Variants in EXOC6B observed in about 807,000 individuals in gnomAD.
EXOC6B encodes the protein SEC15 homolog B.
In EXOC6B, 54 loss-of-function variants were observed where a neutral mutation model predicts 113.5. The observed-to-expected ratio is 0.48, with a 90% CI of 0.38 to 0.60. The LOEUF is 0.60. Ranked by LOEUF, EXOC6B falls within the 20% of genes least tolerant of loss-of-function variation. The probability of loss-of-function intolerance (pLI) is 0.00; values close to 1 mark genes in which losing one functional copy is unlikely to be tolerated. For synonymous variants in EXOC6B, 357 were observed against 339.0 expected (o/e 1.05, Z -0.58); for missense variants, 797 against 977.5 (o/e 0.82, Z 2.46).
chr2:72,644,417 A>G (rs1673522953), intron 6 of EXOC6B, among the ~76,000 whole-genome samples: 1 of 152,232 alleles, frequency 6.6e-6, no homozygotes, highest in South Asian at 2.1e-4. Context: ...GCCAACATTC[A>G]AATTCAGAAA....
intron 20 of EXOC6B, among the ~76,000 whole-genome samples, chr2:72,254,479 T>C (rs1683227975): frequency 6.6e-6 from 1 of 152,188 alleles, no homozygotes; most frequent in Admixed American, 6.5e-5. Context: ...TCCAGACCTG[T>C]GAGGGAATAA....
chr2:72,694,417 G>A (rs1429773061), intron 6 of EXOC6B, among the ~76,000 whole-genome samples: 2 of 152,004 alleles, frequency 1.3e-5, no homozygotes, highest in African/African-American at 4.8e-5. Context: ...ACTACAGCGT[G>A]GGTAACAGAG....
Position 72,718,238 on chromosome 2 carries a change from T to C in EXOC6B, c.534A>G (p.Arg178=), listed in dbSNP as rs1558945791. 1 of 1,613,856 alleles carries C rather than the reference T, an allele frequency of 6.2e-7. No homozygotes were observed. The highest frequency in any genetic ancestry group is 8.5e-7 in the Non-Finnish European group (1 of 1,179,790). Residue 178 remains arginine (R), a synonymous_variant, in exon 6 of 22, where the codon CGA becomes CGG. Transcript: ENST00000272427. ...TGTTGTCCACCATCACCTTGCAGAATCGATAGTGGCTTACTTGAGGCAGGT... is the reference window on the plus strand; with the variant it reads ...TGTTGTCCACCATCACCTTGCAGAACCGATAGTGGCTTACTTGAGGCAGGT... ...HTYLPQVSHY[R]FCKVMVDNIP...
intron 19 of EXOC6B, among the ~76,000 whole-genome samples, chr2:72,360,425 A>T (rs1690241290): frequency 6.6e-6 from 1 of 152,156 alleles, no homozygotes; most frequent in Admixed American, 6.5e-5. Flanking sequence ...TTCATTTCCC[A>T]GGATGGAAAG....
At chr2:72,822,127 G>C (rs1686616289) in intron 1 of EXOC6B, among the ~76,000 whole-genome samples, 1 of 152,170 alleles carries the variant, frequency 6.6e-6, no homozygotes, top group Non-Finnish European at 1.5e-5. Context: ...GAAAAGTAGA[G>C]ATATAGGGAT....
At chr2:72,821,127 A>C (rs1686557983) in intron 1 of EXOC6B, among the ~76,000 whole-genome samples, 1 of 152,130 alleles carries the variant, frequency 6.6e-6, no homozygotes, top group Admixed American at 6.6e-5. Context: ...TTCAGAATAC[A>C]TAGAGAACTC....
chr2:72,264,828 C>T lies in EXOC6B; in HGVS notation c.2196+70119G>A, dbSNP rs114474456. 4.6e-3 allele frequency among the ~76,000 whole-genome samples: 702 copies of T among 152,150 alleles called. 7 individuals carry two copies. The highest frequency in any genetic ancestry group is 0.016 in the African/African-American group (650 of 41,520). ...TCTCCTACTGCCTTGTGAAGAGGTG[C>T]TTTCCTCTATGATCATAAATTTCCT... On this transcript the variant is annotated intron_variant, in intron 20 of 21. Coordinates refer to ENST00000272427, the MANE Select transcript of EXOC6B (RefSeq NM_015189.3).
At chr2:72,516,536 C>T (rs542515675) in intron 8 of EXOC6B, among the ~76,000 whole-genome samples, 5 of 152,104 alleles carry the variant, frequency 3.3e-5, no homozygotes, top group Non-Finnish European at 5.9e-5. Context: ...CCACCACGCC[C>T]GGCCCTGAAT....
chr2:72,601,139 T>C (rs1353903754), intron 6 of EXOC6B, among the ~76,000 whole-genome samples: 1 of 147,424 alleles, frequency 6.8e-6, no homozygotes, highest in Non-Finnish European at 1.5e-5. Context: ...TGTGTGTGTG[T>C]GTGTGTGTGT....
chr2:72,299,130 G>A (rs1468883095), intron 20 of EXOC6B, among the ~76,000 whole-genome samples: 6 of 152,146 alleles, frequency 3.9e-5, no homozygotes, highest in African/African-American at 1.2e-4. Flanking sequence ...CCAATCAGAC[G>A]TAGATTTGGT....
chr2:72,183,325 G>A (rs1273003004), intron 21 of EXOC6B, among the ~76,000 whole-genome samples: 1 of 152,186 alleles, frequency 6.6e-6, no homozygotes, highest in African/African-American at 2.4e-5. Context: ...TGACCTGCCA[G>A]CTCTCTAATA....
intron 20 of EXOC6B, among the ~76,000 whole-genome samples, chr2:72,216,363 C>T (rs1422357161): frequency 6.6e-6 from 1 of 152,210 alleles, no homozygotes; most frequent in Non-Finnish European, 1.5e-5. Flanking sequence ...TATACCATCT[C>T]ACACCAGTCA....
At chr2:72,182,745 T>G in intron 21 of EXOC6B, 2 of 471,346 alleles carry the variant, frequency 4.2e-6, no homozygotes, top group Non-Finnish European at 6.8e-6. Context: ...AGCCAGCCAG[T>G]TGGCACCAGG....
intron 16 of EXOC6B, among the ~76,000 whole-genome samples, chr2:72,491,165 C>G (rs191454379): frequency 6.6e-6 from 1 of 152,214 alleles, no homozygotes; most frequent in East Asian, 1.9e-4. Flanking sequence ...TATTTCTGTA[C>G]TAGGCAATAG....
chr2:72,495,691 C>T (rs1354592384), intron 14 of EXOC6B, among the ~76,000 whole-genome samples, 152 bp from the exon 15 acceptor site: 1 of 152,062 alleles, frequency 6.6e-6, no homozygotes, highest in Non-Finnish European at 1.5e-5. Context: ...CCAAAGTTTT[C>T]TGATATTAAA....
intron 6 of EXOC6B, among the ~76,000 whole-genome samples, chr2:72,688,113 T>A (rs550003295): frequency 6.6e-6 from 1 of 152,312 alleles, no homozygotes; most frequent in South Asian, 2.1e-4. Context: ...AATGGGAGAA[T>A]AACTTCGATG....
intron 20 of EXOC6B, among the ~76,000 whole-genome samples, chr2:72,229,327 T>C (rs1681462404): frequency 6.6e-6 from 1 of 152,124 alleles, no homozygotes; most frequent in South Asian, 2.1e-4. Context: ...GATGGGAGCA[T>C]TTACGAAGAT....
intron 17 of EXOC6B, among the ~76,000 whole-genome samples, chr2:72,472,388 T>G (rs1001694907): frequency 2.0e-5 from 3 of 152,156 alleles, no homozygotes; most frequent in African/African-American, 7.2e-5. Context: ...TCACTGCCCG[T>G]TATTGGTCTG....
chr2:72,502,788 G>A lies in EXOC6B; in HGVS notation c.1168-2816C>T, dbSNP rs1044485861. Among the ~76,000 whole-genome samples, 4 of 151,622 alleles carry A rather than the reference G, an allele frequency of 2.6e-5. No homozygotes were observed. The South Asian group carries it at 6.3e-4, about 24-fold the overall frequency. ...TTTTATTACTACAGTCCCTTCTTTC[G>A]TCACTGTCTTTCCTTTCTAAATCTC... is the stretch of plus-strand genomic sequence containing the variant. On this transcript the variant is annotated intron_variant, in intron 11 of 21. Coordinates refer to ENST00000272427, the MANE Select transcript of EXOC6B (RefSeq NM_015189.3).
Sources: allele counts gnomAD v4.1 joint callset (sites outside exome capture counted in the v4.1 genomes callset), GRCh38; gene constraint gnomAD v4.1.1; transcripts MANE v1.5; gene names NCBI Gene and HGNC (gene_info 2026-07-23, HGNC 2026-07-21).